The following PHACTR1 variants were observed in gnomAD, a reference collection of about 807,000 sequenced individuals.
PHACTR1 encodes phosphatase and actin regulator 1.
In PHACTR1, 16 loss-of-function variants were observed where a neutral mutation model predicts 69.2. The ratio of observed to expected loss-of-function variants is 0.23; its 90% confidence interval spans 0.16 to 0.35. The LOEUF is 0.35. PHACTR1 is among the 10% of genes least tolerant of loss of function. The pLI is 1.00. For missense variants in PHACTR1, 510 were observed against 734.7 expected (o/e 0.69, Z 3.54); for synonymous variants, 312 against 284.5 (o/e 1.10, Z -0.97).
In PHACTR1 at chr6:12,938,807, G is replaced by T. The variant is rs543757689; in HGVS notation, c.251-114558G>T. 6.1e-4 allele frequency among the ~76,000 whole-genome samples: 93 copies of T among 152,170 alleles called. 1 individual carries two copies. Among genetic ancestry groups the T allele is most frequent in the African/African-American group, 2.1e-3 (88 of 41,520 alleles). On this transcript the variant is annotated intron_variant, in intron 4 of 14. Coordinates refer to ENST00000332995, the MANE Select transcript of PHACTR1 (RefSeq NM_030948.6). ...ATTTTATGTAAACGGAACACTAAAG[G>T]ATGAACTTTTTTTTTTGTTTGGCTT...
chr6:13,074,809 T>C (rs1810159072), intron 5 of PHACTR1, among the ~76,000 whole-genome samples: 1 of 152,172 alleles, frequency 6.6e-6, no homozygotes, highest in South Asian at 2.1e-4. Context: ...TAGAAAAGTA[T>C]GAAGAAGACG....
chr6:12,858,357 T>C (rs542252509), intron 4 of PHACTR1, among the ~76,000 whole-genome samples: 178 of 152,196 alleles, frequency 1.2e-3, no homozygotes, highest in Non-Finnish European at 1.6e-3. Context: ...ATTTGTTAAT[T>C]TAGAGGTAAA....
intron 11 of PHACTR1, among the ~76,000 whole-genome samples, chr6:13,276,591 G>T (rs1778961468): frequency 6.6e-6 from 1 of 152,238 alleles, no homozygotes; most frequent in East Asian, 1.9e-4. Flanking sequence ...GGCCAATATG[G>T]TGAAACCCCA....
chr6:12,920,665 G>T (rs1011988185), intron 4 of PHACTR1, among the ~76,000 whole-genome samples: 5 of 152,202 alleles, frequency 3.3e-5, no homozygotes, highest in African/African-American at 1.2e-4. Context: ...TAGAATTATG[G>T]TGAATGTAAA....
intron 4 of PHACTR1, among the ~76,000 whole-genome samples, chr6:12,856,255 C>CTTTCTT (rs367993168): frequency 7.4e-6 from 1 of 135,806 alleles, no homozygotes; most frequent in African/African-American, 2.8e-5. Context: ...TTCTTTCTTT[C>CTTTCTT]TTTTTTTTTT....
intron 8 of PHACTR1, 87 bp downstream of exon 8, chr6:13,206,223 G>A: frequency 7.6e-7 from 1 of 1,307,366 alleles, no homozygotes; most frequent in Non-Finnish European, 1.0e-6. Context: ...ACTTAGGAAT[G>A]TGAACAAGGG....
chr6:12,770,930 T>C (rs1465284349), intron 4 of PHACTR1, among the ~76,000 whole-genome samples: 2 of 152,016 alleles, frequency 1.3e-5, no homozygotes, highest in Non-Finnish European at 2.9e-5. Context: ...GGAGAGAGTG[T>C]GTGTAAAGGC....
chr6:13,165,098 T>TA (rs1409435579), intron 6 of PHACTR1, among the ~76,000 whole-genome samples: 1 of 152,166 alleles, frequency 6.6e-6, no homozygotes, highest in African/African-American at 2.4e-5. Flanking sequence ...GAAAACCACA[T>TA]AAAAGGAAAT....
At chr6:13,230,011 A>C (rs1278986176) in intron 9 of PHACTR1, 26 bp from the exon 10 acceptor site, 1 of 1,583,830 alleles carries the variant, frequency 6.3e-7, no homozygotes, top group Non-Finnish European at 8.6e-7. Flanking sequence ...TGTAAGCCTT[A>C]ATTGACTCAT....
intron 4 of PHACTR1, among the ~76,000 whole-genome samples, chr6:13,032,687 G>T (rs905784585): frequency 1.3e-5 from 2 of 151,882 alleles, no homozygotes; most frequent in Admixed American, 6.6e-5. Flanking sequence ...CACGAACATA[G>T]CTCACTGCAG....
chr6:13,272,570 C>CT (rs1291820632), intron 10 of PHACTR1: 11 of 682,060 alleles, frequency 1.6e-5, no homozygotes, highest in Non-Finnish European at 2.5e-5. Flanking sequence ...AGAGTCCCGT[C>CT]TGAGTTGCAG....
At chr6:13,160,343 A>G in intron 6 of PHACTR1, 59 bp downstream of exon 6, 1 of 1,413,878 alleles carries the variant, frequency 7.1e-7, no homozygotes, top group Non-Finnish European at 1.0e-6. Context: ...ATCTGCATGC[A>G]TATTGCTTGG....
chr6:12,946,991 T>G (rs1314102678), intron 4 of PHACTR1, among the ~76,000 whole-genome samples: 1 of 151,766 alleles, frequency 6.6e-6, no homozygotes, highest in East Asian at 1.9e-4. Flanking sequence ...TTTTGTATTT[T>G]TAGTAGAGAT....
At chr6:13,208,380 A>T (rs528529151) in intron 8 of PHACTR1, among the ~76,000 whole-genome samples, 1 of 152,372 alleles carries the variant, frequency 6.6e-6, no homozygotes, top group African/African-American at 2.4e-5. Context: ...TCTTGTCATT[A>T]AAAAGGGCTT....
chr6:12,825,258 G>A (rs1393660477), intron 4 of PHACTR1, among the ~76,000 whole-genome samples: 1 of 151,522 alleles, frequency 6.6e-6, no homozygotes, highest in African/African-American at 2.4e-5. Context: ...GGCTGCAGAG[G>A]GCTATGAGTG....
Position 13,043,704 on chromosome 6 carries a change from A to C in PHACTR1, c.251-9661A>C, listed in dbSNP as rs1249641401. Among the ~76,000 whole-genome samples the C allele has an allele frequency of 5.3e-5, 8 of 152,342 alleles. No individual in the cohort carries two copies. In the East Asian group the frequency reaches 5.8e-4, roughly 11 times the overall value. ...ACAGAAAGAGTTTGCTTACCCCTGCAGGGGAAACCAGGCTTTGTTGAGGTG... is the reference window on the plus strand; with the variant it reads ...ACAGAAAGAGTTTGCTTACCCCTGCCGGGGAAACCAGGCTTTGTTGAGGTG... On this transcript the variant is annotated intron_variant, in intron 4 of 14. Transcript: ENST00000332995.
rs151243795 is a variant in PHACTR1 at position 13,164,515 on chromosome 6, C to T, written c.496+4231C>T. Among the ~76,000 whole-genome samples the T allele has an allele frequency of 2.2e-4, 34 of 152,318 alleles. 1 individual carries two copies. The East Asian group carries it at 6.0e-3, about 27-fold the overall frequency. On this transcript the variant is annotated intron_variant, in intron 6 of 14. Coordinates refer to ENST00000332995, the MANE Select transcript of PHACTR1 (RefSeq NM_030948.6). ...TGTAATGACTGTGTCAGCCTGTCCA[C>T]CTGCATGCAGCCTCCAGGCCCCACC...
At chr6:13,213,007 GA>G (rs2127238877) in intron 8 of PHACTR1, among the ~76,000 whole-genome samples, 1 of 152,198 alleles carries the variant, frequency 6.6e-6, no homozygotes, top group East Asian at 1.9e-4. Flanking sequence ...TCACCTAATA[GA>G]ACATACAGTC....
intron 5 of PHACTR1, among the ~76,000 whole-genome samples, chr6:13,059,458 T>TCTCACACACACACA (rs1491194342): frequency 3.4e-5 from 5 of 148,142 alleles, no homozygotes; most frequent in African/African-American, 1.0e-4. Flanking sequence ...AATGTTCTTA[T>TCTCACACACACACA]CACACACACA....
Sources: allele counts gnomAD v4.1 joint callset (sites outside exome capture counted in the v4.1 genomes callset), GRCh38; gene constraint gnomAD v4.1.1; transcripts MANE v1.5; gene names NCBI Gene and HGNC (gene_info 2026-07-23, HGNC 2026-07-21).